Variants in SPDYE10 observed in about 807,000 individuals in gnomAD.
SPDYE10 encodes speedy protein E10.
At chr7:73,140,695 AC>A in the SPDYE10 span, among the ~76,000 whole-genome samples, 1 of 105,504 alleles carries the variant, frequency 9.5e-6, no homozygotes, top group Admixed American at 9.9e-5. Context: ...ATCTTGGCTC[AC>A]CGCAACCTCT....
the SPDYE10 span, among the ~76,000 whole-genome samples, chr7:73,114,479 A>G: frequency 2.7e-5 from 4 of 150,432 alleles, no homozygotes; most frequent in African/African-American, 9.7e-5. Flanking sequence ...TATTCATGAC[A>G]CTGATCTTTT....
chr7:73,151,560 GA>G, the SPDYE10 span, among the ~76,000 whole-genome samples: 3 of 5,888 alleles, frequency 5.1e-4, no homozygotes, highest in South Asian at 3.0e-3. Context: ...AAGAAAGAAA[GA>G]AAAAAAAAAA....
chr7:73,126,797 T>G, the SPDYE10 span, among the ~76,000 whole-genome samples: 18 of 150,758 alleles, frequency 1.2e-4, no homozygotes, highest in African/African-American at 3.6e-4. Flanking sequence ...CCCAAGTAAC[T>G]GGGACTACAA....
At chr7:73,123,788 C>CCTCCCTCTCTCTCTCT in the SPDYE10 span, among the ~76,000 whole-genome samples, 1 of 97,458 alleles carries the variant, frequency 1.0e-5, no homozygotes, top group South Asian at 3.1e-4. Flanking sequence ...TCTCTCTCTC[C>CCTCCCTCTCTCTCTCT]CTCTCTCTCT....
the SPDYE10 span, among the ~76,000 whole-genome samples, chr7:73,115,684 T>G: frequency 1.3e-5 from 1 of 78,004 alleles, no homozygotes; most frequent in African/African-American, 7.3e-5. Flanking sequence ...CCTTGTGGTT[T>G]AAACTGTAGC....
At chr7:73,113,843 G>A in the SPDYE10 span, among the ~76,000 whole-genome samples, 2 of 151,902 alleles carry the variant, frequency 1.3e-5, no homozygotes, top group Non-Finnish European at 2.9e-5. Context: ...AGACCATCCT[G>A]GCTAACACCC....
chr7:73,111,406 G>C, the SPDYE10 span, among the ~76,000 whole-genome samples: 3 of 145,058 alleles, frequency 2.1e-5, no homozygotes, highest in Admixed American at 6.7e-5. Flanking sequence ...TTTTTTTTTT[G>C]TTTCGAGACA....
the SPDYE10 span, among the ~76,000 whole-genome samples, chr7:73,123,788 C>CCCT: frequency 8.8e-3 from 863 of 97,562 alleles, no homozygotes; most frequent in African/African-American, 0.041. Flanking sequence ...TCTCTCTCTC[C>CCCT]CTCTCTCTCT....
At chr7:73,113,980 CAT>C in the SPDYE10 span, among the ~76,000 whole-genome samples, 1 of 147,288 alleles carries the variant, frequency 6.8e-6, no homozygotes, top group African/African-American at 2.5e-5. Flanking sequence ...GAGCCAAGAT[CAT>C]ACCATTTGCA....
the SPDYE10 span, among the ~76,000 whole-genome samples, chr7:73,125,327 A>G: frequency 6.7e-6 from 1 of 149,166 alleles, no homozygotes; most frequent in African/African-American, 2.6e-5. Flanking sequence ...AGCCAGAAGA[A>G]TCTGCCAATG....
At chr7:73,140,589 TG>T in the SPDYE10 span, among the ~76,000 whole-genome samples, 4 of 66,666 alleles carry the variant, frequency 6.0e-5, no homozygotes, top group Admixed American at 6.0e-4. Flanking sequence ...GAATCCATTC[TG>T]GTCAGTCTAC....
the SPDYE10 span, among the ~76,000 whole-genome samples, chr7:73,147,793 C>A: frequency 6.8e-6 from 1 of 147,104 alleles, no homozygotes; most frequent in Non-Finnish European, 1.5e-5. Context: ...CCATACCTGG[C>A]CTGTTTTTTG....
At chr7:73,147,705 G>A in the SPDYE10 span, among the ~76,000 whole-genome samples, 1 of 151,640 alleles carries the variant, frequency 6.6e-6, no homozygotes, top group Non-Finnish European at 1.5e-5. Flanking sequence ...ACGTGGACCA[G>A]GCTGGTCTCA....
chr7:73,131,293 C>T, the SPDYE10 span, among the ~76,000 whole-genome samples: 20 of 147,710 alleles, frequency 1.4e-4, no homozygotes, highest in African/African-American at 4.6e-4. Context: ...AGGTAAGCTT[C>T]CACTGAGCCC....
At chr7:73,117,078 T>TG in the SPDYE10 span, among the ~76,000 whole-genome samples, 262 of 145,552 alleles carry the variant, frequency 1.8e-3, no homozygotes, top group African/African-American at 5.8e-3. Context: ...GGTTTTTTTT[T>TG]TTGTTGTTGT....
chr7:73,142,983 G>T, the SPDYE10 span, among the ~76,000 whole-genome samples: 1 of 45,644 alleles, frequency 2.2e-5, no homozygotes, highest in Non-Finnish European at 4.5e-5. Context: ...AGGGAGGGAG[G>T]AAGGAAGGAA....
chr7:73,115,196 T>C, the SPDYE10 span, among the ~76,000 whole-genome samples: 3 of 152,122 alleles, frequency 2.0e-5, no homozygotes, highest in Admixed American at 1.3e-4. Flanking sequence ...ACACCTGGAC[T>C]GTTCTTTTCT....
At chr7:73,117,636 G>C in the SPDYE10 span, among the ~76,000 whole-genome samples, 213 of 131,088 alleles carry the variant, frequency 1.6e-3, no homozygotes, top group Non-Finnish European at 2.4e-3. Flanking sequence ...AAGAGGGGAA[G>C]GGGAGGACAG....
chr7:73,124,023 T>C, the SPDYE10 span, among the ~76,000 whole-genome samples: 1 of 150,348 alleles, frequency 6.7e-6, no homozygotes, highest in African/African-American at 2.5e-5. Context: ...GTTCAAGCAA[T>C]CTTCCGGCCT....
Sources: allele counts gnomAD v4.1 joint callset (sites outside exome capture counted in the v4.1 genomes callset), GRCh38; gene constraint gnomAD v4.1.1; transcripts MANE v1.5; gene names NCBI Gene and HGNC (gene_info 2026-07-23, HGNC 2026-07-21).